RPS6KC1: variants seen among roughly 807,000 people sequenced by gnomAD.
The protein encoded by RPS6KC1 is ribosomal protein S6 kinase C1, also known as inactive ribosomal protein S6 kinase delta-1.
Under a neutral mutation model 103.8 loss-of-function variants are expected in RPS6KC1, and 54 were observed. The ratio of observed to expected loss-of-function variants is 0.52; its 90% CI spans 0.42 to 0.65. The LOEUF is 0.65. Among genes scored for constraint, RPS6KC1 ranks in the 30% least tolerant of loss-of-function variants. RPS6KC1 has a pLI of 0.00. For synonymous variants in RPS6KC1, 439 were observed against 438.7 expected (o/e 1.00, Z -0.01); for missense variants, 1,151 against 1,253.8 (o/e 0.92, Z 1.24).
the RPS6KC1 span, among the ~76,000 whole-genome samples, chr1:213,720,948 A>G: frequency 6.6e-6 from 1 of 152,250 alleles, no homozygotes; most frequent in East Asian, 1.9e-4. Context: ...ATATATGTAA[A>G]GAGTTAATTT....
At chr1:213,151,243 A>G (rs1267665950) in intron 6 of RPS6KC1, among the ~76,000 whole-genome samples, 2 of 109,784 alleles carry the variant, frequency 1.8e-5, no homozygotes, top group East Asian at 6.9e-4. Flanking sequence ...TCCCTCCCGG[A>G]CGGGGCGGCT....
At chr1:213,577,481 C>A in the RPS6KC1 span, among the ~76,000 whole-genome samples, 1 of 152,180 alleles carries the variant, frequency 6.6e-6, no homozygotes, top group Admixed American at 6.5e-5. Context: ...GGGTAACAGG[C>A]AGAGGTTGGA....
the RPS6KC1 span, among the ~76,000 whole-genome samples, chr1:213,455,288 T>C: frequency 3.9e-5 from 6 of 152,174 alleles, no homozygotes; most frequent in East Asian, 7.7e-4. Context: ...AGGAAATTCA[T>C]AGTGGAAATA....
Position 213,241,300 on chromosome 1 carries a change from C to A in RPS6KC1, c.1824C>A (p.Ser608Arg). ...MEFFRIDSKDSASELLGLDFG... is the reference protein window; with the variant it reads ...MEFFRIDSKDRASELLGLDFG... Reference sequence around the variant, plus strand: ...TCTTTAGGATAGACAGTAAGGATAGCGCAAGTGAACTCCTGGGACTTGACT... The same window carrying A: ...TCTTTAGGATAGACAGTAAGGATAGAGCAAGTGAACTCCTGGGACTTGACT... The change falls in exon 11 of 15, where the codon AGC becomes AGA. Residue 608 changes from serine (S) to arginine (R), a missense_variant. Transcript: ENST00000366960. The A allele has an allele frequency of 6.2e-7, 1 of 1,613,918 alleles. No individual in the cohort carries two copies. Among genetic ancestry groups the A allele is most frequent in the Non-Finnish European group, 8.5e-7 (1 of 1,179,924 alleles).
At chr1:213,565,255 T>C in the RPS6KC1 span, among the ~76,000 whole-genome samples, 2 of 152,244 alleles carry the variant, frequency 1.3e-5, no homozygotes, top group East Asian at 3.8e-4. Context: ...TTAGCAATTC[T>C]ACTCTCAGGT....
the RPS6KC1 span, among the ~76,000 whole-genome samples, chr1:213,590,934 G>A: frequency 6.6e-6 from 1 of 152,166 alleles, no homozygotes; most frequent in African/African-American, 2.4e-5. Context: ...AAACTTGGAA[G>A]AGGAAAGTTA....
At chr1:213,478,812 G>C in the RPS6KC1 span, among the ~76,000 whole-genome samples, 4 of 151,932 alleles carry the variant, frequency 2.6e-5, no homozygotes, top group African/African-American at 7.2e-5. Flanking sequence ...GGTGTTTAAA[G>C]GATAAAATAT....
At chr1:213,592,208 C>A in the RPS6KC1 span, among the ~76,000 whole-genome samples, 1 of 151,716 alleles carries the variant, frequency 6.6e-6, no homozygotes, top group Admixed American at 6.6e-5. Context: ...AGGAAATGAT[C>A]AAAGAGGAAT....
intron 3 of RPS6KC1, among the ~76,000 whole-genome samples, chr1:213,095,063 T>C (rs546683020): frequency 3.9e-5 from 6 of 152,298 alleles, no homozygotes; most frequent in Non-Finnish European, 7.4e-5. Flanking sequence ...CCCCACTTCC[T>C]TGAACCCTTC....
At chr1:213,218,235 C>T (rs533039394) in intron 8 of RPS6KC1, among the ~76,000 whole-genome samples, 5 of 152,096 alleles carry the variant, frequency 3.3e-5, no homozygotes, top group East Asian at 3.9e-4. Flanking sequence ...CAATAACAGA[C>T]GGAGAGCCAA....
the RPS6KC1 span, among the ~76,000 whole-genome samples, chr1:213,495,948 TA>T: frequency 3.3e-5 from 5 of 152,172 alleles, no homozygotes; most frequent in Non-Finnish European, 5.9e-5. Flanking sequence ...TTATTTTTAT[TA>T]CCCTCTTAGA....
At chr1:213,825,627 T>G in the RPS6KC1 span, among the ~76,000 whole-genome samples, 1 of 152,116 alleles carries the variant, frequency 6.6e-6, no homozygotes, top group Non-Finnish European at 1.5e-5. Context: ...GATCATCCCC[T>G]GTTTAACAAC....
chr1:213,377,295 G>A, the RPS6KC1 span, among the ~76,000 whole-genome samples: 10 of 152,118 alleles, frequency 6.6e-5, no homozygotes, highest in Admixed American at 6.5e-4. Flanking sequence ...CACAAGAGAG[G>A]GAAGGAAAGT....
chr1:213,482,407 A>G, the RPS6KC1 span, among the ~76,000 whole-genome samples: 1 of 151,906 alleles, frequency 6.6e-6, no homozygotes, highest in Non-Finnish European at 1.5e-5. Flanking sequence ...TTTAAACTTA[A>G]TTAAACTTAT....
At chr1:213,104,622 T>C in intron 4 of RPS6KC1, 53 bp downstream of exon 4, 1 of 1,014,280 alleles carries the variant, frequency 9.9e-7, no homozygotes, top group Non-Finnish European at 1.4e-6. Context: ...TTTTGTAATT[T>C]GTAGTAAAGT....
At chr1:213,854,564 C>CTT in the RPS6KC1 span, among the ~76,000 whole-genome samples, 13,221 of 104,030 alleles carry the variant, frequency 0.13, 687 homozygotes, top group East Asian at 0.21. Flanking sequence ...TTCTTTCTTT[C>CTT]TCTCTCTCTC....
chr1:213,561,513 A>G, the RPS6KC1 span, among the ~76,000 whole-genome samples: 1 of 152,188 alleles, frequency 6.6e-6, no homozygotes, highest in African/African-American at 2.4e-5. Context: ...CAATGCCCTC[A>G]TGGTATGTCC....
At chr1:213,770,810 T>G in the RPS6KC1 span, among the ~76,000 whole-genome samples, 1 of 152,206 alleles carries the variant, frequency 6.6e-6, no homozygotes, top group Non-Finnish European at 1.5e-5. Flanking sequence ...TTTTCTATTA[T>G]AAAGACAGTG....
the RPS6KC1 span, among the ~76,000 whole-genome samples, chr1:213,736,051 C>T: frequency 1.8e-3 from 274 of 152,322 alleles, 1 homozygote; most frequent in African/African-American, 6.2e-3. Context: ...CAGGAGCAGA[C>T]CTCATCCCAG....
Sources: gnomAD v4.1 joint callset for allele counts (sites outside exome capture counted in the v4.1 genomes callset) on GRCh38, gnomAD v4.1.1 for gene constraint, MANE v1.5 for transcripts, NCBI Gene and HGNC (gene_info 2026-07-23, HGNC 2026-07-21) for gene names.